FER: variants seen among roughly 807,000 people sequenced by gnomAD.
FER encodes FER tyrosine kinase.
FER carries 63 observed loss-of-function variants against 111.0 expected under a neutral mutation model. The ratio of observed to expected loss-of-function variants is 0.57; its 90% CI spans 0.46 to 0.70. The LOEUF is 0.70. FER is among the 30% of genes least tolerant of loss of function. The pLI is 0.00. For missense variants in FER, 914 were observed against 954.0 expected, an observed-to-expected ratio of 0.96 and a Z score of 0.55; for synonymous variants, 327 against 313.9, an observed-to-expected ratio of 1.04 and a Z score of -0.44.
chr5:109,077,558 A>G (rs868856467), intron 16 of FER, among the ~76,000 whole-genome samples: 1 of 152,188 alleles, frequency 6.6e-6, no homozygotes, highest in Non-Finnish European at 1.5e-5. Context: ...AAAGCATAGT[A>G]TCAATTTGTT....
intron 18 of FER, among the ~76,000 whole-genome samples, chr5:109,184,404 C>G (rs1035554473): frequency 2.0e-5 from 3 of 152,116 alleles, no homozygotes; most frequent in Admixed American, 1.3e-4. Context: ...TAGCCAAATG[C>G]TATACAATTG....
chr5:108,959,162 A>G (rs1239111254), intron 12 of FER, 63 bp from the exon 13 acceptor site: 9 of 1,527,306 alleles, frequency 5.9e-6, no homozygotes, highest in Non-Finnish European at 8.0e-6. Flanking sequence ...TAATTTATCA[A>G]TGAATGTAGA....
At chr5:109,041,434 C>T (rs1418645508) in intron 14 of FER, among the ~76,000 whole-genome samples, 1 of 150,222 alleles carries the variant, frequency 6.7e-6, no homozygotes, top group Non-Finnish European at 1.5e-5. Context: ...AGTCAAAGGA[C>T]TTTTGAAGTC....
intron 13 of FER, among the ~76,000 whole-genome samples, chr5:109,033,851 T>C (rs1769987379): frequency 6.6e-6 from 1 of 152,178 alleles, no homozygotes; most frequent in Non-Finnish European, 1.5e-5. Flanking sequence ...TTTTTACTTT[T>C]AATTAACAAA....
intron 14 of FER, among the ~76,000 whole-genome samples, chr5:109,040,941 T>TC (rs1205722528): frequency 1.3e-5 from 2 of 152,110 alleles, no homozygotes; most frequent in Admixed American, 1.3e-4. Context: ...TGGGTCAATA[T>TC]AGGGACAAGA....
intron 13 of FER, among the ~76,000 whole-genome samples, chr5:108,975,341 G>T (rs6893984): frequency 6.6e-6 from 1 of 151,704 alleles, no homozygotes; most frequent in Admixed American, 6.6e-5. Context: ...TAGGTGCAGC[G>T]AACCACCATG....
chr5:108,926,562 C>G (rs865985968), intron 10 of FER, among the ~76,000 whole-genome samples: 50 of 152,148 alleles, frequency 3.3e-4, no homozygotes, highest in African/African-American at 1.2e-3. Context: ...TAATTGAACT[C>G]TCATAATTAT....
chr5:109,139,157 G>A (rs553400114), intron 17 of FER, among the ~76,000 whole-genome samples: 54 of 152,146 alleles, frequency 3.5e-4, no homozygotes, highest in South Asian at 1.0e-3. Flanking sequence ...GGAACACAGC[G>A]GAGCTAAGTG....
chr5:109,047,291 G>T, intron 16 of FER, 93 bp downstream of exon 16: 1 of 698,742 alleles, frequency 1.4e-6, no homozygotes, highest in Non-Finnish European at 2.4e-6. Context: ...TCCTCGTAAA[G>T]TCTCCAAGGA....
chr5:109,071,031 T>C (rs188686515), intron 16 of FER, among the ~76,000 whole-genome samples: 34 of 152,230 alleles, frequency 2.2e-4, no homozygotes, highest in Admixed American at 1.7e-3. Context: ...TCTATAATTG[T>C]GAATGTTCCA....
intron 16 of FER, among the ~76,000 whole-genome samples, chr5:109,049,389 A>G (rs978164773): frequency 5.9e-5 from 9 of 152,150 alleles, no homozygotes; most frequent in African/African-American, 1.2e-4. Context: ...CTATATGTCT[A>G]AAGTTCCTGT....
At chr5:109,074,423 T>C (rs1776095301) in intron 16 of FER, among the ~76,000 whole-genome samples, 1 of 152,192 alleles carries the variant, frequency 6.6e-6, no homozygotes, top group South Asian at 2.1e-4. Flanking sequence ...CTCAAATTAA[T>C]TTCTAACATC....
chr5:108,883,552 G>A, intron 9 of FER, 34 bp downstream of exon 9: 1 of 1,512,648 alleles, frequency 6.6e-7, no homozygotes, highest in Non-Finnish European at 8.9e-7. Flanking sequence ...AAGGAAGAAT[G>A]TTTAATTGTA....
At chr5:109,083,251 C>T (rs74806278) in intron 16 of FER, among the ~76,000 whole-genome samples, 1,589 of 152,102 alleles carry the variant, frequency 0.01, 23 homozygotes, top group African/African-American at 0.036. Flanking sequence ...CAGGACATGA[C>T]AATTAATTTT....
chr5:108,776,250 G>A (rs962057188), intron 2 of FER, among the ~76,000 whole-genome samples: 3 of 152,008 alleles, frequency 2.0e-5, no homozygotes, highest in South Asian at 2.1e-4. Context: ...TTTTATTCAC[G>A]TATTTCTGAT....
intron 16 of FER, among the ~76,000 whole-genome samples, chr5:109,078,205 A>G (rs1475901833): frequency 1.3e-5 from 2 of 152,150 alleles, no homozygotes; most frequent in Admixed American, 6.6e-5. Flanking sequence ...ACATCCCTCT[A>G]TACTCCCTAT....
chr5:108,859,457 T>C (rs1763304351), intron 5 of FER, among the ~76,000 whole-genome samples: 1 of 152,192 alleles, frequency 6.6e-6, no homozygotes, highest in Non-Finnish European at 1.5e-5. Flanking sequence ...ATTTGGTGTT[T>C]ACTTTTCTAC....
intron 10 of FER, among the ~76,000 whole-genome samples, chr5:108,910,464 T>A (rs10039544): frequency 0.077 from 11,665 of 151,814 alleles, 521 homozygotes; most frequent in African/African-American, 0.13. Flanking sequence ...TTACTTTTTT[T>A]AAAAAAAAGG....
intron 16 of FER, among the ~76,000 whole-genome samples, chr5:109,063,557 C>T (rs1225130153): frequency 6.6e-6 from 1 of 152,198 alleles, no homozygotes; most frequent in Non-Finnish European, 1.5e-5. Flanking sequence ...CCTTTCCTAA[C>T]ATAGTTTAAC....
Sources: allele counts gnomAD v4.1 joint callset (sites outside exome capture counted in the v4.1 genomes callset), GRCh38; gene constraint gnomAD v4.1.1; transcripts MANE v1.5; gene names NCBI Gene and HGNC (gene_info 2026-07-23, HGNC 2026-07-21).